Variants in RASSF8 observed in about 807,000 individuals in gnomAD.
RASSF8 encodes ras association domain-containing protein 8.
In RASSF8, 22 loss-of-function variants were observed where a neutral mutation model predicts 48.5. That is an observed-to-expected ratio of 0.45 (90% CI 0.32 to 0.65). RASSF8 has a LOEUF of 0.65. RASSF8 is among the 30% of genes least tolerant of loss of function. The pLI is 0.03. For missense variants in RASSF8, 418 were observed against 489.2 expected, an observed-to-expected ratio of 0.85 and a Z score of 1.37; for synonymous variants, 127 against 171.5, an observed-to-expected ratio of 0.74 and a Z score of 2.03.
chr12:26,036,411 T>C (rs1242819803), intron 2 of RASSF8, among the ~76,000 whole-genome samples: 1 of 152,132 alleles, frequency 6.6e-6, no homozygotes. Context: ...AAATTTAAGC[T>C]ATTCTTAAAA....
intron 2 of RASSF8, among the ~76,000 whole-genome samples, chr12:26,008,788 G>T (rs1252573533): frequency 6.6e-6 from 1 of 152,036 alleles, no homozygotes. Context: ...TTTTTACTTG[G>T]AAGGTACTTT....
At chr12:26,072,949 T>C (rs953042268), downstream of RASSF8, 7 of 462,180 alleles carry the variant, frequency 1.5e-5, no homozygotes, top group African/African-American at 1.5e-4. Context: ...CCAAAGAGAA[T>C]AGTGGCACAT....
At position 26,064,706 on chromosome 12, in the gene RASSF8, G is replaced by A. The variant is rs148251990; in HGVS notation, c.312G>A (p.Gln104=). Residue 104 remains glutamine (Q), a synonymous_variant, in exon 4 of 6, where the codon CAG becomes CAA. Coordinates refer to ENST00000689635, the MANE Select transcript of RASSF8 (RefSeq NM_001394098.1). ...TTCCTGAAAGAACTTTATACAGGCA[G>A]AGTCTGCCCCCCTTAGCTAAACTGA... is the stretch of plus-strand genomic sequence containing the variant. ...ARIPERTLYR[Q]SLPPLAKLRP... 2.5e-3 allele frequency: 4,019 copies of A among 1,614,148 alleles called. 91 individuals carry two copies. The African/African-American group carries it at 0.048, about 19-fold the overall frequency.
intron 2 of RASSF8, chr12:26,021,308 C>T (rs1429819971): frequency 7.9e-5 from 12 of 152,164 alleles, no homozygotes; most frequent in Admixed American, 7.9e-4. Flanking sequence ...CTATGACCCA[C>T]TCTGCTATGG....
intron 1 of RASSF8, among the ~76,000 whole-genome samples, chr12:25,984,244 T>TC (rs1222200896): frequency 0.086 from 11,307 of 130,914 alleles, 591 homozygotes; most frequent in African/African-American, 0.14. Flanking sequence ...TTTTTTTTTT[T>TC]TTTTTTAGTT....
intron 2 of RASSF8, among the ~76,000 whole-genome samples, chr12:25,999,348 T>C (rs1356207443): frequency 6.6e-6 from 1 of 152,226 alleles, no homozygotes; most frequent in Non-Finnish European, 1.5e-5. Flanking sequence ...ATCTATAATT[T>C]TGTAAACAAC....
At chr12:26,052,872 A>G (rs562664182) in intron 2 of RASSF8, 5 of 152,224 alleles carry the variant, frequency 3.3e-5, no homozygotes, top group Non-Finnish European at 7.3e-5. Flanking sequence ...ATATATGACT[A>G]AAAGTTCAAA....
intron 3 of RASSF8, among the ~76,000 whole-genome samples, chr12:26,057,412 A>G (rs1943630890): frequency 6.6e-6 from 1 of 152,074 alleles, no homozygotes; most frequent in Non-Finnish European, 1.5e-5. Flanking sequence ...TTTGCTCAGA[A>G]TGATGGTTTC....
At chr12:26,041,674 C>CAT (rs201363457) in intron 2 of RASSF8, among the ~76,000 whole-genome samples, 1,740 of 136,720 alleles carry the variant, frequency 0.013, 36 homozygotes, top group African/African-American at 0.042. Flanking sequence ...CATACATAAA[C>CAT]ATATATATAT....
At chr12:26,035,799 A>T (rs1324603580) in intron 2 of RASSF8, among the ~76,000 whole-genome samples, 2 of 145,026 alleles carry the variant, frequency 1.4e-5, no homozygotes, top group East Asian at 3.9e-4. Context: ...ACATCACTAG[A>T]TATACAATAT....
chr12:26,053,764 G>C (rs971705382), intron 2 of RASSF8, among the ~76,000 whole-genome samples: 1 of 152,192 alleles, frequency 6.6e-6, no homozygotes, highest in Admixed American at 6.5e-5. Flanking sequence ...AACCTATGCT[G>C]TGTCATATGC....
chr12:26,057,190 G>C (rs571376113), intron 3 of RASSF8, among the ~76,000 whole-genome samples: 1 of 151,714 alleles, frequency 6.6e-6, no homozygotes, highest in Non-Finnish European at 1.5e-5. Flanking sequence ...ATGCAGGTTT[G>C]TTACATATGT....
At chr12:25,988,753 G>A (rs1221903174) in intron 1 of RASSF8, among the ~76,000 whole-genome samples, 1 of 152,084 alleles carries the variant, frequency 6.6e-6, no homozygotes, top group Non-Finnish European at 1.5e-5. Context: ...GCCAGATCCT[G>A]TGCTAGGTGG....
intron 2 of RASSF8, among the ~76,000 whole-genome samples, chr12:26,013,474 CCTT>C (rs1203283980): frequency 4.6e-5 from 7 of 152,156 alleles, no homozygotes; most frequent in Non-Finnish European, 8.8e-5. Context: ...AATCCTGTGT[CCTT>C]CTAGTTTTAC....
At chr12:25,987,052 A>T (rs1941902261) in intron 1 of RASSF8, among the ~76,000 whole-genome samples, 1 of 152,142 alleles carries the variant, frequency 6.6e-6, no homozygotes, top group African/African-American at 2.4e-5. Context: ...CTCGTGCCTC[A>T]GCCTCCTGAG....
At chr12:25,960,146 C>G (rs755628184) in intron 1 of RASSF8, among the ~76,000 whole-genome samples, 18 of 152,072 alleles carry the variant, frequency 1.2e-4, no homozygotes, top group Non-Finnish European at 2.1e-4. Context: ...TGCTTTGTCC[C>G]CAGGAAGCAT....
intron 1 of RASSF8, among the ~76,000 whole-genome samples, chr12:25,983,134 G>T (rs1941783144): frequency 6.6e-6 from 1 of 152,070 alleles, no homozygotes; most frequent in African/African-American, 2.4e-5. Flanking sequence ...ACAGAATTAG[G>T]TGTGTAATAA....
chr12:26,033,783 A>C (rs1355297461), intron 2 of RASSF8, among the ~76,000 whole-genome samples: 5 of 152,112 alleles, frequency 3.3e-5, no homozygotes, highest in Non-Finnish European at 7.4e-5. Context: ...TTCCAGATAA[A>C]GGTTGAATGC....
intron 2 of RASSF8, among the ~76,000 whole-genome samples, chr12:26,047,407 G>A (rs2137192791): frequency 6.6e-6 from 1 of 152,192 alleles, no homozygotes; most frequent in Admixed American, 6.5e-5. Flanking sequence ...TAGAATTCTT[G>A]AGAGGGGCAA....
Sources: allele counts gnomAD v4.1 joint callset (sites outside exome capture counted in the v4.1 genomes callset), GRCh38; gene constraint gnomAD v4.1.1; transcripts MANE v1.5; gene names NCBI Gene and HGNC (gene_info 2026-07-23, HGNC 2026-07-21).